The following NAA50 variants were observed in gnomAD, a reference collection of about 807,000 sequenced individuals.
The protein encoded by NAA50 is N-alpha-acetyltransferase 50.
A neutral mutation model predicts 20.7 loss-of-function variants in NAA50; 7 were observed. That is an observed-to-expected ratio of 0.34 (90% CI 0.19 to 0.63). The LOEUF is 0.63. Among genes scored for constraint, NAA50 ranks in the 30% least tolerant of loss-of-function variants. The pLI, the probability that NAA50 is intolerant of heterozygous loss-of-function variation, is 0.75. For synonymous variants in NAA50, 54 were observed against 70.6 expected, an observed-to-expected ratio of 0.77 and a Z score of 1.18; for missense variants, 111 against 199.1, an observed-to-expected ratio of 0.56 and a Z score of 2.66.
In NAA50 at chr3:113,721,825, C is replaced by A. The variant is rs1708139807; in HGVS notation, c.445G>T (p.Val149Leu). Residue 149 changes from valine to leucine, a missense_variant, in exon 5 of 5, where the codon GTG (valine) becomes TTG (leucine). By Grantham distance (32) the Val-to-Leu change is conservative. Transcript: ENST00000240922. ...YKRIEPADAH[V>L]LQKNLKVPSG... ...GGAACTTTGAGGTTTTTCTGCAGCA[C>A]ATGAGCATCTGCGGGCTCTATCCTC... 6.2e-7 allele frequency: 1 copy of A among 1,613,858 alleles called. No individual in the cohort carries two copies. Among genetic ancestry groups the A allele is most frequent in the Non-Finnish European group, 8.5e-7 (1 of 1,179,868 alleles).
chr3:113,740,362 T>C (rs1243979203), intron 1 of NAA50, among the ~76,000 whole-genome samples: 1 of 152,126 alleles, frequency 6.6e-6, no homozygotes, highest in Non-Finnish European at 1.5e-5. Flanking sequence ...GACCAATAAC[T>C]GTGAGTTTTT....
In NAA50 at chr3:113,740,524, A is replaced by G. The variant is rs533481165; in HGVS notation, c.8+5418T>C. ...TGGGACTACAGGCACACACCACCAT[A>G]CCCCAGCTAATTATGATTACTATTT... On this transcript the variant is annotated intron_variant, in intron 1 of 4. Transcript: ENST00000240922. Among the ~76,000 whole-genome samples, 27 of 151,800 alleles carry G rather than the reference A, an allele frequency of 1.8e-4. No individual in the cohort carries two copies. The East Asian group carries it at 5.2e-3, about 29-fold the overall frequency.
Position 113,719,008 on chromosome 3 carries a change from T to G in NAA50, c.*2752A>C, listed in dbSNP as rs1303099752. On this transcript the variant is annotated 3_prime_UTR_variant, in exon 5 of 5. Coordinates refer to ENST00000240922, the MANE Select transcript of NAA50 (RefSeq NM_025146.4). The stretch of plus-strand genomic sequence containing the variant: ...CACAGATCACTACCAGAACATCACA[T>G]AAGTTTATTTCAGATGTAACAGCAA... The G allele has an allele frequency of 6.6e-6, 1 of 152,658 alleles. No homozygotes were observed. Among genetic ancestry groups the G allele is most frequent in the Non-Finnish European group, 1.5e-5 (1 of 68,024 alleles). 9.5% of individuals were successfully genotyped at this position (152,658 alleles called of 1,614,324 possible).
intron 1 of NAA50, among the ~76,000 whole-genome samples, chr3:113,729,962 TG>T (rs887235616): frequency 2.6e-5 from 4 of 152,192 alleles, no homozygotes; most frequent in Non-Finnish European, 5.9e-5. Context: ...AGCATATAGT[TG>T]GATCTTATTC....
chr3:113,730,667 T>G (rs773062989), intron 1 of NAA50, among the ~76,000 whole-genome samples: 2 of 152,186 alleles, frequency 1.3e-5, no homozygotes, highest in Non-Finnish European at 2.9e-5. Flanking sequence ...TTTTCAAGAA[T>G]GTCACATAAA....
intron 1 of NAA50, among the ~76,000 whole-genome samples, chr3:113,740,324 T>C (rs1207502294): frequency 1.3e-5 from 2 of 152,220 alleles, no homozygotes; most frequent in African/African-American, 4.8e-5. Context: ...TAGATCCACA[T>C]ATCTAAGTTG....
chr3:113,724,940 A>C (rs1708182572), intron 1 of NAA50, among the ~76,000 whole-genome samples: 1 of 152,194 alleles, frequency 6.6e-6, no homozygotes, highest in Admixed American at 6.5e-5. Flanking sequence ...AGGTTTCCTG[A>C]GACCTCCCTA....
intron 1 of NAA50, among the ~76,000 whole-genome samples, chr3:113,735,689 G>C (rs913644713): frequency 6.6e-6 from 1 of 152,178 alleles, no homozygotes; most frequent in African/African-American, 2.4e-5. Flanking sequence ...CAGGTTTTTT[G>C]TTTGTTTGGT....
At chr3:113,725,030 G>A (rs912955876) in intron 1 of NAA50, among the ~76,000 whole-genome samples, 10 of 152,174 alleles carry the variant, frequency 6.6e-5, no homozygotes, top group African/African-American at 2.2e-4. Context: ...TTAGCAGCAT[G>A]AGAAAGGACT....
At chr3:113,726,774 A>G (rs1305208918) in intron 1 of NAA50, among the ~76,000 whole-genome samples, 3 of 151,916 alleles carry the variant, frequency 2.0e-5, no homozygotes, top group African/African-American at 4.8e-5. Flanking sequence ...AAGAAAGAAA[A>G]ATCTGTGGAT....
intron 1 of NAA50, among the ~76,000 whole-genome samples, chr3:113,728,768 C>T (rs893868042): frequency 3.9e-5 from 6 of 152,166 alleles, no homozygotes; most frequent in Admixed American, 2.0e-4. Context: ...ATAGTTCACT[C>T]CTGAACTCTA....
intron 1 of NAA50, among the ~76,000 whole-genome samples, chr3:113,734,741 G>A (rs1415111311): frequency 1.3e-5 from 2 of 152,158 alleles, no homozygotes; most frequent in Admixed American, 1.3e-4. Context: ...TTCCATTTAA[G>A]TACCAGATCA....
intron 1 of NAA50, among the ~76,000 whole-genome samples, chr3:113,727,756 T>C (rs925191928): frequency 1.3e-5 from 2 of 152,146 alleles, no homozygotes; most frequent in Admixed American, 6.5e-5. Context: ...TATATATGTA[T>C]ATACACGCTT....
chr3:113,739,465 A>C (rs1157645188), intron 1 of NAA50: 1 of 152,232 alleles, frequency 6.6e-6, no homozygotes, highest in Non-Finnish European at 1.5e-5. Flanking sequence ...AATTATCCAA[A>C]AGAAGTAATT....
intron 1 of NAA50, among the ~76,000 whole-genome samples, chr3:113,730,313 G>A (rs1260175438): frequency 6.6e-6 from 1 of 151,960 alleles, no homozygotes; most frequent in Non-Finnish European, 1.5e-5. Context: ...AAGATTTAAT[G>A]TAATTATTGA....
intron 4 of NAA50, among the ~76,000 whole-genome samples, chr3:113,722,154 CTCAG>C (rs2107983650): frequency 6.6e-6 from 1 of 152,174 alleles, no homozygotes; most frequent in East Asian, 1.9e-4. Flanking sequence ...GATTAGAAGG[CTCAG>C]TGTTTATTCT....
Position 113,746,232 on chromosome 3 carries a change from G to GAAT in NAA50, c.-284_-283insATT. The GAAT allele has an allele frequency of 2.1e-6, 1 of 471,436 alleles. No homozygotes were observed. Among genetic ancestry groups the GAAT allele is most frequent in the African/African-American group, 2.1e-5 (1 of 48,118 alleles). The allele number at this position is 471,436 out of a possible 1,614,324, so 29.2% of individuals were successfully genotyped here. A position where few individuals can be genotyped will look rare whatever the true frequency, so the allele number is the denominator to read the frequency against. ...GCCGCTGCCGCCAGCCAGACCCGCT[G>GAAT]CCGCGCTGTGACCTTTCACCCCGCC... On this transcript the variant is annotated 5_prime_UTR_variant, in exon 1 of 5. Transcript: ENST00000240922.
At chr3:113,733,836 G>A (rs866799913) in intron 1 of NAA50, among the ~76,000 whole-genome samples, 2 of 109,772 alleles carry the variant, frequency 1.8e-5, no homozygotes, top group Non-Finnish European at 3.3e-5. Context: ...CTGGGTGACA[G>A]AGCAAGACTC....
Position 113,720,539 on chromosome 3 carries a change from T to C in NAA50, c.*1221A>G, listed in dbSNP as rs1708122384. On this transcript the variant is annotated 3_prime_UTR_variant, in exon 5 of 5. Coordinates refer to ENST00000240922, the MANE Select transcript of NAA50 (RefSeq NM_025146.4). ...GGAGGTCACAGTGACATTTGTATTA[T>C]TAACATTTTACACTTCTATTTTTCC... The C allele has an allele frequency of 6.6e-6, 1 of 152,638 alleles. No individual in the cohort carries two copies. The highest frequency in any genetic ancestry group is 6.5e-5 in the Admixed American group (1 of 15,276). The allele number at this position is 152,638 out of a possible 1,614,324, so 9.5% of individuals were successfully genotyped here.
Sources: allele counts gnomAD v4.1 joint callset (sites outside exome capture counted in the v4.1 genomes callset), GRCh38; gene constraint gnomAD v4.1.1; transcripts MANE v1.5; gene names NCBI Gene and HGNC (gene_info 2026-07-23, HGNC 2026-07-21).